The following PTPRD variants were observed in gnomAD, a reference collection of about 807,000 sequenced individuals.
PTPRD encodes the protein protein tyrosine phosphatase receptor type D, also known as receptor-type tyrosine-protein phosphatase delta.
In PTPRD, 34 loss-of-function variants were observed where a neutral mutation model predicts 214.5. The observed-to-expected ratio is 0.16, with a 90% CI of 0.12 to 0.21. The LOEUF is 0.21. Among genes scored for constraint, PTPRD ranks in the 10% least tolerant of loss-of-function variants. PTPRD has a pLI of 1.00. For synonymous variants in PTPRD, 1,128 were observed against 845.7 expected (o/e 1.33, Z -5.79); for missense variants, 2,545 against 2,398.7 (o/e 1.06, Z -1.27).
At chr9:10,497,547 C>A (rs766557930) in intron 2 of PTPRD, among the ~76,000 whole-genome samples, 2 of 151,804 alleles carry the variant, frequency 1.3e-5, no homozygotes, top group East Asian at 3.9e-4. Flanking sequence ...ATTTTATTTG[C>A]GCATTTAAAA....
At chr9:10,601,279 C>A (rs1294437682) in intron 2 of PTPRD, among the ~76,000 whole-genome samples, 1 of 151,180 alleles carries the variant, frequency 6.6e-6, no homozygotes, top group African/African-American at 2.4e-5. Context: ...AAAGTTATGG[C>A]CAAAGGGAAG....
At chr9:9,458,582 TTTG>T (rs149802784) in intron 8 of PTPRD, among the ~76,000 whole-genome samples, 1,849 of 152,158 alleles carry the variant, frequency 0.012, 29 homozygotes, top group African/African-American at 0.042. Context: ...TCATGAGTTG[TTTG>T]TTGTTGTTGC....
At chr9:10,057,945 G>T (rs917274549) in intron 3 of PTPRD, among the ~76,000 whole-genome samples, 2 of 152,016 alleles carry the variant, frequency 1.3e-5, no homozygotes, top group Middle Eastern at 3.4e-3. Context: ...TATTAAATAA[G>T]AATGACTTTA....
intron 3 of PTPRD, among the ~76,000 whole-genome samples, chr9:10,094,129 G>C (rs2098460008): frequency 6.6e-6 from 1 of 151,414 alleles, no homozygotes; most frequent in Admixed American, 6.6e-5. Flanking sequence ...TATGTTTAAA[G>C]CTTCCAGAAT....
intron 7 of PTPRD, among the ~76,000 whole-genome samples, chr9:9,682,190 G>A (rs1480107711): frequency 2.6e-5 from 4 of 151,628 alleles, no homozygotes; most frequent in East Asian, 3.9e-4. Context: ...CCCCCTCCTC[G>A]AAGTCTGCAC....
At chr9:8,954,685 A>G (rs1412001204) in intron 11 of PTPRD, among the ~76,000 whole-genome samples, 1 of 151,860 alleles carries the variant, frequency 6.6e-6, no homozygotes, top group Non-Finnish European at 1.5e-5. Flanking sequence ...GTTTGTATGC[A>G]AAGAAGTCCC....
At chr9:10,053,279 T>C (rs998011624) in intron 3 of PTPRD, among the ~76,000 whole-genome samples, 2 of 152,160 alleles carry the variant, frequency 1.3e-5, no homozygotes, top group Non-Finnish European at 2.9e-5. Context: ...GCTGCAACAA[T>C]TAGAAAACAC....
chr9:8,425,618 T>C (rs1174052805), intron 35 of PTPRD, among the ~76,000 whole-genome samples: 5 of 152,184 alleles, frequency 3.3e-5, no homozygotes, highest in Non-Finnish European at 5.9e-5. Flanking sequence ...CTCGTCAATA[T>C]TGTCCCACTC....
chr9:9,639,167 T>C (rs2095860446), intron 7 of PTPRD, among the ~76,000 whole-genome samples: 1 of 152,204 alleles, frequency 6.6e-6, no homozygotes, highest in Non-Finnish European at 1.5e-5. Flanking sequence ...ATTTGGGGTC[T>C]GCAAGCAACA....
intron 5 of PTPRD, among the ~76,000 whole-genome samples, chr9:9,794,689 T>C (rs574171756): frequency 2.0e-5 from 3 of 152,336 alleles, no homozygotes; most frequent in Admixed American, 1.3e-4. Flanking sequence ...AGAATTACTA[T>C]GTTCTCAATT....
chr9:8,468,798 GA>G (rs35027583), intron 31 of PTPRD, among the ~76,000 whole-genome samples: 2,467 of 123,500 alleles, frequency 0.02, 63 homozygotes, highest in African/African-American at 0.067. Flanking sequence ...ATCCATGGTA[GA>G]AAAAAAAAAA....
At chr9:9,521,061 C>G (rs2096959403) in intron 8 of PTPRD, among the ~76,000 whole-genome samples, 1 of 152,112 alleles carries the variant, frequency 6.6e-6, no homozygotes, top group Non-Finnish European at 1.5e-5. Flanking sequence ...AAAATGTAAT[C>G]AAAGCCCCTA....
chr9:8,719,511 C>T (rs1371550906), intron 12 of PTPRD, among the ~76,000 whole-genome samples: 1 of 152,218 alleles, frequency 6.6e-6, no homozygotes, highest in African/African-American at 2.4e-5. Context: ...TTTCTCCTGT[C>T]TGATGAGGAG....
At chr9:10,241,354 AC>A (rs1187478107) in intron 3 of PTPRD, among the ~76,000 whole-genome samples, 1 of 151,948 alleles carries the variant, frequency 6.6e-6, no homozygotes, top group Non-Finnish European at 1.5e-5. Context: ...CTAGAGATTT[AC>A]CCACAAGAAA....
At chr9:9,080,270 T>G (rs1287763212) in intron 10 of PTPRD, among the ~76,000 whole-genome samples, 1 of 152,054 alleles carries the variant, frequency 6.6e-6, no homozygotes, top group Non-Finnish European at 1.5e-5. Flanking sequence ...CAAAGACTTT[T>G]TCTCTGCCAA....
intron 2 of PTPRD, among the ~76,000 whole-genome samples, chr9:10,392,411 C>T (rs560549343): frequency 6.6e-6 from 1 of 151,818 alleles, no homozygotes; most frequent in East Asian, 2.0e-4. Flanking sequence ...GGGAGTCAGC[C>T]CCATTCTGAA....
chr9:10,260,017 C>T (rs1044439355), intron 3 of PTPRD, among the ~76,000 whole-genome samples: 5 of 152,202 alleles, frequency 3.3e-5, no homozygotes, highest in East Asian at 1.9e-4. Flanking sequence ...TCTCTGCCTC[C>T]GGCTAGTCCT....
chr9:9,795,873 G>C (rs1188576961), intron 5 of PTPRD, among the ~76,000 whole-genome samples: 1 of 151,946 alleles, frequency 6.6e-6, no homozygotes, highest in South Asian at 2.1e-4. Context: ...ATAACAAAAT[G>C]ATCCAAATAT....
intron 8 of PTPRD, among the ~76,000 whole-genome samples, chr9:9,572,975 A>G (rs539732067): frequency 2.6e-5 from 4 of 151,764 alleles, no homozygotes; most frequent in Admixed American, 2.6e-4. Context: ...GTCAATATGT[A>G]CTGAAGCAGA....
Sources: gnomAD v4.1 joint callset for allele counts (sites outside exome capture counted in the v4.1 genomes callset) on GRCh38, gnomAD v4.1.1 for gene constraint, MANE v1.5 for transcripts, NCBI Gene and HGNC (gene_info 2026-07-23, HGNC 2026-07-21) for gene names.